The following SLC35F1 variants were observed in gnomAD, a reference collection of about 807,000 sequenced individuals.
SLC35F1 encodes chromosome 6 open reading frame 169.
Under a neutral mutation model 48.7 loss-of-function variants are expected in SLC35F1, and 14 were observed. That is an observed-to-expected ratio of 0.29 (90% CI 0.19 to 0.45). The LOEUF (loss-of-function observed/expected upper bound fraction) is 0.45, where lower values mean the gene tolerates loss of function less well. Ranked by LOEUF, SLC35F1 falls within the 20% of genes least tolerant of loss-of-function variation. The pLI is 1.00. For missense variants in SLC35F1, 404 were observed against 500.0 expected, an observed-to-expected ratio of 0.81 and a Z score of 1.83; for synonymous variants, 190 against 202.2, an observed-to-expected ratio of 0.94 and a Z score of 0.51.
intron 1 of SLC35F1, among the ~76,000 whole-genome samples, chr6:118,042,290 G>A (rs1772235450): frequency 6.6e-6 from 1 of 152,172 alleles, no homozygotes; most frequent in Non-Finnish European, 1.5e-5. Context: ...ATAGCCATAT[G>A]TGAGCAGATC....
intron 2 of SLC35F1, among the ~76,000 whole-genome samples, chr6:118,170,665 T>C (rs866577204): frequency 2.6e-5 from 4 of 152,158 alleles, no homozygotes; most frequent in Non-Finnish European, 5.9e-5. Context: ...GGTCTCAAAC[T>C]CCTGAGCTCA....
In SLC35F1 at chr6:118,317,008, A is replaced by G. The variant is rs1360930389; in HGVS notation, c.*2756A>G. ...CGGGAAATGGGAGTAGGACAACATT[A>G]ACTTTAGCTGTTTTAGTTTCTGAGA... On this transcript the variant is annotated 3_prime_UTR_variant, in exon 8 of 8. Transcript: ENST00000360388. 1.3e-5 allele frequency: 2 copies of G among 152,676 alleles called. No individual in the cohort carries two copies. The highest frequency in any genetic ancestry group is 4.8e-5 in the African/African-American group (2 of 41,468). 9.5% of individuals were successfully genotyped at this position (152,676 alleles called of 1,614,324 possible). A position where few individuals can be genotyped will look rare whatever the true frequency, so the allele number is the denominator to read the frequency against.
chr6:118,182,874 A>G (rs1032335101), intron 2 of SLC35F1, among the ~76,000 whole-genome samples: 3 of 152,232 alleles, frequency 2.0e-5, no homozygotes, highest in Admixed American at 6.5e-5. Flanking sequence ...AAAGACTATA[A>G]TGTAAAATAA....
At chr6:118,153,172 T>TG (rs1277118265) in intron 1 of SLC35F1, among the ~76,000 whole-genome samples, 3 of 152,216 alleles carry the variant, frequency 2.0e-5, no homozygotes, top group African/African-American at 7.2e-5. Context: ...ACATCTGTTA[T>TG]GGGGGAGTAA....
intron 2 of SLC35F1, among the ~76,000 whole-genome samples, chr6:118,167,188 A>G (rs1774331076): frequency 6.6e-6 from 1 of 152,114 alleles, no homozygotes. Context: ...GTTCACAGAT[A>G]AGAGGAGGAG....
At chr6:118,280,358 A>G (rs781564816) in intron 6 of SLC35F1, among the ~76,000 whole-genome samples, 2 of 152,180 alleles carry the variant, frequency 1.3e-5, no homozygotes, top group Non-Finnish European at 2.9e-5. Context: ...AGTGCAATCA[A>G]TGTGAAAGTC....
chr6:118,051,561 G>C (rs1033032984), intron 1 of SLC35F1, among the ~76,000 whole-genome samples: 26 of 152,246 alleles, frequency 1.7e-4, no homozygotes, highest in African/African-American at 5.8e-4. Flanking sequence ...CACTGTTTAA[G>C]TCTTTGGGTA....
chr6:118,186,948 C>T (rs750047728), intron 2 of SLC35F1, among the ~76,000 whole-genome samples: 3 of 152,182 alleles, frequency 2.0e-5, no homozygotes, highest in Non-Finnish European at 2.9e-5. Context: ...TCTATAGACT[C>T]CCAGCCCTTC....
At chr6:117,994,208 C>G (rs534954293) in intron 1 of SLC35F1, among the ~76,000 whole-genome samples, 10 of 152,090 alleles carry the variant, frequency 6.6e-5, no homozygotes, top group Admixed American at 2.0e-4. Flanking sequence ...CATTGCCCCC[C>G]CCATCCTCAA....
chr6:117,993,199 C>G (rs778698374), intron 1 of SLC35F1, among the ~76,000 whole-genome samples: 9 of 152,150 alleles, frequency 5.9e-5, no homozygotes, highest in Non-Finnish European at 1.3e-4. Flanking sequence ...GCATAGCCAG[C>G]ATGCATTTAG....
intron 1 of SLC35F1, among the ~76,000 whole-genome samples, chr6:117,997,845 G>A (rs190291290): frequency 0.01 from 1,560 of 152,188 alleles, 27 homozygotes; most frequent in African/African-American, 0.036. Context: ...GACCATCAAG[G>A]CTAGGAAGAA....
chr6:118,301,146 A>G lies in SLC35F1; in HGVS notation c.1003-12882A>G, dbSNP rs143380033. Among the ~76,000 whole-genome samples the G allele has an allele frequency of 8.9e-3, 1,354 of 152,234 alleles. 6 individuals are homozygous for G. The highest frequency in any genetic ancestry group is 0.013 in the South Asian group (65 of 4,820). On this transcript the variant is annotated intron_variant, in intron 7 of 7. Transcript: ENST00000360388. ...TTCTCTGCTGGGTGCTGTGTCTCTG[A>G]TGCTTACTGCAGAGCCTGGCACAGT...
intron 3 of SLC35F1, among the ~76,000 whole-genome samples, chr6:118,241,890 C>T (rs1429128594): frequency 1.3e-5 from 2 of 152,104 alleles, no homozygotes. Context: ...TAAATTGTTT[C>T]ATGTATCAAT....
At chr6:118,118,715 TGAA>T (rs1773506689) in intron 1 of SLC35F1, among the ~76,000 whole-genome samples, 1 of 152,126 alleles carries the variant, frequency 6.6e-6, no homozygotes, top group Non-Finnish European at 1.5e-5. Flanking sequence ...TCATATGTGG[TGAA>T]ACTAACAAAT....
At chr6:118,009,425 G>A (rs1777217349) in intron 1 of SLC35F1, among the ~76,000 whole-genome samples, 1 of 152,122 alleles carries the variant, frequency 6.6e-6, no homozygotes, top group Non-Finnish European at 1.5e-5. Flanking sequence ...CACCTGGTCC[G>A]GCTTGTCACA....
chr6:118,096,015 C>T (rs1562288945), intron 1 of SLC35F1, among the ~76,000 whole-genome samples: 1 of 152,084 alleles, frequency 6.6e-6, no homozygotes, highest in Non-Finnish European at 1.5e-5. Context: ...AGAATGTGAG[C>T]CATGTGAGAG....
intron 2 of SLC35F1, among the ~76,000 whole-genome samples, chr6:118,193,346 T>A (rs934443713): frequency 6.6e-6 from 1 of 152,214 alleles, no homozygotes; most frequent in South Asian, 2.1e-4. Flanking sequence ...AACCCTGTTG[T>A]GCTCTTATTC....
In SLC35F1 at chr6:118,034,590, C is replaced by A. The variant is rs188786272; in HGVS notation, c.174-119855C>A. Among the ~76,000 whole-genome samples the A allele has an allele frequency of 9.2e-4, 140 of 151,988 alleles. 3 individuals carry two copies. Among genetic ancestry groups the A allele is most frequent in the Admixed American group, 5.6e-3 (86 of 15,256 alleles). The stretch of plus-strand genomic sequence containing the variant: ...ATAAATAAATAAATAAATAATCAAT[C>A]AATAAAATGAAAATACTAAATCAGG... On this transcript the variant is annotated intron_variant, in intron 1 of 7. Transcript: ENST00000360388.
rs1045441311 is a variant in SLC35F1 at position 118,286,742 on chromosome 6, T to C, written c.1002+1404T>C. ...GAAATGTTCACCACAATCAAGCTAATTATATCCATCACCTCACATAGTTAC... is the reference window on the plus strand; with the variant it reads ...GAAATGTTCACCACAATCAAGCTAACTATATCCATCACCTCACATAGTTAC... On this transcript the variant is annotated intron_variant, in intron 7 of 7. Transcript: ENST00000360388. 2.6e-5 allele frequency among the ~76,000 whole-genome samples: 4 copies of C among 152,044 alleles called. No homozygotes were observed. In the East Asian group the frequency reaches 7.7e-4, roughly 29 times the overall value.
Sources: allele counts gnomAD v4.1 joint callset (sites outside exome capture counted in the v4.1 genomes callset), GRCh38; gene constraint gnomAD v4.1.1; transcripts MANE v1.5; gene names NCBI Gene and HGNC (gene_info 2026-07-23, HGNC 2026-07-21).